Variants in TUFT1 observed in about 807,000 individuals in gnomAD.
The protein encoded by TUFT1 is tuftelin 1, also known as tuftelin.
A neutral mutation model predicts 57.8 loss-of-function variants in TUFT1; 43 were observed. The observed-to-expected ratio is 0.74, with a 90% confidence interval of 0.58 to 0.96. The LOEUF (loss-of-function observed/expected upper bound fraction) is 0.96, where lower values mean the gene tolerates loss of function less well. Among genes scored for constraint, TUFT1 ranks in the 40% least tolerant of loss-of-function variants. The pLI is 0.00. For missense variants in TUFT1, 459 were observed against 489.0 expected (o/e 0.94, Z 0.58); for synonymous variants, 166 against 176.7 (o/e 0.94, Z 0.48).
chr1:151,562,392 G>A (rs1571702530), intron 2 of TUFT1, 193 bp from the exon 3 acceptor site: 2 of 638,218 alleles, frequency 3.1e-6, no homozygotes, highest in South Asian at 1.9e-5. Context: ...CTCCCTGGCC[G>A]GTGTTCTTGC....
intron 1 of TUFT1, chr1:151,557,603 C>A: frequency 9.2e-7 from 1 of 1,088,868 alleles, no homozygotes; most frequent in Non-Finnish European, 1.4e-6. Context: ...CCTCTCAAGT[C>A]CCGAGGCTAC....
intron 1 of TUFT1, among the ~76,000 whole-genome samples, chr1:151,548,369 C>T (rs1258176658): frequency 7.0e-6 from 1 of 142,826 alleles, no homozygotes; most frequent in Non-Finnish European, 1.5e-5. Flanking sequence ...GTGGCCCAAT[C>T]TTGGCTCACT....
rs141585536 is a variant in TUFT1 at position 151,580,776 on chromosome 1, A to G, written c.1009-166A>G. Among the ~76,000 whole-genome samples, 624 of 152,038 alleles carry G rather than the reference A, an allele frequency of 4.1e-3. 3 individuals are homozygous for G. Among genetic ancestry groups the G allele is most frequent in the African/African-American group, 0.013 (558 of 41,454 alleles). On this transcript the variant is annotated intron_variant, in intron 11 of 12. Transcript: ENST00000368849. ...AGGTATTGGAGGATAAGCGCAATCT[A>G]TGGTAATGAAGATGAGGCAAGTGGG...
At chr1:151,557,653 G>C in intron 1 of TUFT1, 1 of 988,578 alleles carries the variant, frequency 1.0e-6, no homozygotes. Context: ...CCACTGGTAC[G>C]TTACCAATGA....
chr1:151,579,539 C>T (rs1010748525), intron 10 of TUFT1, 110 bp from the exon 11 acceptor site: 8 of 966,656 alleles, frequency 8.3e-6, no homozygotes, highest in Admixed American at 2.2e-5. Context: ...CTAATGAAGT[C>T]ATATGGAGTT....
intron 7 of TUFT1, among the ~76,000 whole-genome samples, chr1:151,572,126 A>G (rs1666270809): frequency 1.3e-5 from 2 of 152,184 alleles, no homozygotes; most frequent in Admixed American, 1.3e-4. Flanking sequence ...TTTGGAGCCC[A>G]GGAGGTGGAG....
At chr1:151,580,184 C>A (rs1432383650) in intron 11 of TUFT1, among the ~76,000 whole-genome samples, 1 of 152,200 alleles carries the variant, frequency 6.6e-6, no homozygotes, top group East Asian at 1.9e-4. Context: ...ACCTGAAGAT[C>A]ACTTTGCGAA....
intron 5 of TUFT1, chr1:151,565,921 AT>A: frequency 2.6e-6 from 1 of 384,436 alleles, no homozygotes. Flanking sequence ...TCTTGTTTCT[AT>A]TTTCTCATGG....
chr1:151,580,090 C>G (rs781719716), intron 11 of TUFT1, among the ~76,000 whole-genome samples: 1 of 152,158 alleles, frequency 6.6e-6, no homozygotes, highest in Non-Finnish European at 1.5e-5. Context: ...ACAGATGGAG[C>G]CTTTTCCAGG....
At chr1:151,557,298 T>C in intron 1 of TUFT1, 1 of 460,004 alleles carries the variant, frequency 2.2e-6, no homozygotes, top group South Asian at 3.6e-5. Context: ...TATTTAATAG[T>C]ATAATATTAT....
chr1:151,560,005 A>T (rs1571699160), intron 1 of TUFT1, among the ~76,000 whole-genome samples: 1 of 151,370 alleles, frequency 6.6e-6, no homozygotes, highest in South Asian at 2.1e-4. Flanking sequence ...CATGTTGGCC[A>T]GGCTGGTCTC....
chr1:151,571,698 A>G (rs1006936409), intron 7 of TUFT1, among the ~76,000 whole-genome samples: 1 of 152,236 alleles, frequency 6.6e-6, no homozygotes, highest in African/African-American at 2.4e-5. Context: ...AATTTTGGAA[A>G]AAAATTTCTG....
chr1:151,550,923 T>A (rs184764204), intron 1 of TUFT1, among the ~76,000 whole-genome samples: 224 of 152,280 alleles, frequency 1.5e-3, no homozygotes, highest in Non-Finnish European at 2.3e-3. Flanking sequence ...TGAGACCCTG[T>A]CTCAAAAATA....
At chr1:151,576,210 C>T (rs1447312799) in intron 9 of TUFT1, among the ~76,000 whole-genome samples, 1 of 152,120 alleles carries the variant, frequency 6.6e-6, no homozygotes, top group African/African-American at 2.4e-5. Context: ...AAGCAGCATG[C>T]GCTTGTCAGC....
At chr1:151,557,315 TA>T in intron 1 of TUFT1, 1 of 503,980 alleles carries the variant, frequency 2.0e-6, no homozygotes, top group East Asian at 3.1e-5. Flanking sequence ...TTATCATATT[TA>T]AATATTTTCT....
intron 3 of TUFT1, 93 bp downstream of exon 3, chr1:151,562,779 T>C (rs552143206): frequency 2.2e-5 from 25 of 1,131,524 alleles, no homozygotes; most frequent in South Asian, 1.9e-4. Context: ...CAAAGGGAGC[T>C]TGTGGTTTGA....
At chr1:151,565,868 CTT>C in intron 5 of TUFT1, 1 of 277,346 alleles carries the variant, frequency 3.6e-6, no homozygotes, top group South Asian at 4.8e-5. Flanking sequence ...CCCTACAAGA[CTT>C]TCAAGGCCCT....
At chr1:151,558,358 A>G (rs1665780873) in intron 1 of TUFT1, among the ~76,000 whole-genome samples, 1 of 151,274 alleles carries the variant, frequency 6.6e-6, no homozygotes, top group Non-Finnish European at 1.5e-5. Context: ...CCTTTGAGGG[A>G]TCCCCTCAAA....
chr1:151,581,514 C>G, intron 12 of TUFT1, 130 bp from the exon 13 acceptor site: 1 of 836,666 alleles, frequency 1.2e-6, no homozygotes, highest in Non-Finnish European at 1.9e-6. Flanking sequence ...GCACTTGGAA[C>G]CCAAGTGATC....
Sources: allele counts gnomAD v4.1 joint callset (sites outside exome capture counted in the v4.1 genomes callset), GRCh38; gene constraint gnomAD v4.1.1; transcripts MANE v1.5; gene names NCBI Gene and HGNC (gene_info 2026-07-23, HGNC 2026-07-21).